The following HDLBP variants were observed in gnomAD, a reference collection of about 807,000 sequenced individuals.
The protein encoded by HDLBP is vigilin.
Under a neutral mutation model 137.3 loss-of-function variants are expected in HDLBP, and 30 were observed. The ratio of observed to expected loss-of-function variants is 0.22; its 90% CI spans 0.16 to 0.30. HDLBP has a LOEUF of 0.30. Among genes scored for constraint, HDLBP ranks in the 10% least tolerant of loss-of-function variants. The pLI, the probability that HDLBP is intolerant of heterozygous loss-of-function variation, is 1.00. For synonymous variants in HDLBP, 606 were observed against 596.0 expected (o/e 1.02, Z -0.24); for missense variants, 1,119 against 1,667.3 (o/e 0.67, Z 5.73).
chr2:241,241,979 AAAGTT>A (rs1452139597), intron 17 of HDLBP, among the ~76,000 whole-genome samples: 4 of 152,098 alleles, frequency 2.6e-5, no homozygotes, highest in African/African-American at 9.7e-5. Context: ...TAGAACAGCC[AAAGTT>A]AAGAGGGCTC....
At chr2:241,246,532 C>T (rs754747489) in intron 16 of HDLBP, 16 of 489,760 alleles carry the variant, frequency 3.3e-5, no homozygotes, top group East Asian at 6.5e-5. Flanking sequence ...CAAGTGCCCA[C>T]GTCAAATGTT....
In HDLBP at chr2:241,230,776, T is replaced by C. The variant is rs2069652585; in HGVS notation, c.3457A>G (p.Ile1153Val). 6.2e-7 allele frequency: 1 copy of C among 1,614,034 alleles called. No individual in the cohort carries two copies. The highest frequency in any genetic ancestry group is 1.1e-5 in the South Asian group (1 of 91,088). ...IGARGKAIRK[I>V]MDEFKVDIRF... The stretch of plus-strand genomic sequence containing the variant: ...CGGCTCACCTTGAATTCGTCCATGA[T>C]TTTGCGAATGGCTTTGCCGCGGGCA... The change falls in exon 25 of 28, where the codon ATC (isoleucine) becomes GTC (valine). Residue 1153 changes from isoleucine (I) to valine (V), a missense_variant. By Grantham distance (29) the Ile-to-Val change is conservative. Around this residue, in one of 4 missense-constraint regions of HDLBP, gnomAD observed 618 missense variants for 816.7 expected, o/e 0.76. Coordinates refer to ENST00000310931, the MANE Select transcript of HDLBP (RefSeq NM_005336.6). This position sits in a 1 kb window ranked among gnomAD's most constrained non-coding sequence, Gnocchi z 5.0.
At chr2:241,307,267 C>T (rs942029186) in intron 1 of HDLBP, among the ~76,000 whole-genome samples, 1 of 152,200 alleles carries the variant, frequency 6.6e-6, no homozygotes, top group Non-Finnish European at 1.5e-5. Flanking sequence ...TAGAGTGGAT[C>T]TGAAAAACGC....
chr2:241,291,116 A>T (rs1316932742), intron 1 of HDLBP, among the ~76,000 whole-genome samples: 1 of 152,268 alleles, frequency 6.6e-6, no homozygotes, highest in East Asian at 1.9e-4. Context: ...AAAGATGCTT[A>T]AGCATCGTCG....
Position 241,250,075 on chromosome 2 carries a change from C to G in HDLBP, c.1373-95G>C, listed in dbSNP as rs138851495. The stretch of plus-strand genomic sequence containing the variant: ...AGGACAGCGCTAAAGCGCTAAATAA[C>G]CTTATCTGTGATTCCCATCACCAAA... On this transcript the variant is annotated intron_variant, in intron 11 of 27. Transcript: ENST00000310931. 2.8e-5 allele frequency: 35 copies of G among 1,246,408 alleles called. No individual in the cohort carries two copies. In the South Asian group the frequency reaches 5.3e-4, roughly 19 times the overall value. 77.2% of individuals were successfully genotyped at this position (1,246,408 alleles called of 1,614,324 possible).
intron 23 of HDLBP, 135 bp from the exon 24 acceptor site, chr2:241,234,098 A>G: frequency 1.0e-6 from 1 of 978,644 alleles, no homozygotes. Flanking sequence ...ATGGTCCGCC[A>G]TCTCTCTGGT....
In HDLBP at chr2:241,240,079, T is replaced by C; in HGVS notation, c.2213A>G (p.Tyr738Cys). ...FTVDIRAKPE[Y>C]HKFLIGKGGG... ...CCCCTTGCCGATGAGGAATTTGTGG[T>C]ATTCTGGCTTGGCGCGGATGTCAAC... Residue 738 changes from tyrosine to cysteine, a missense_variant, in exon 18 of 28, where the codon TAC becomes TGC. By Grantham distance (194) the Tyr-to-Cys change is radical (BLOSUM62 -2). This residue lies in a region of HDLBP where 618 missense variants were observed against 816.7 expected (regional missense o/e 0.76). Transcript: ENST00000310931. The surrounding 1 kb of genome is among the most constrained non-coding windows in gnomAD (Gnocchi z 5.5). 1.2e-6 allele frequency: 2 copies of C among 1,614,178 alleles called. No homozygotes were observed. Among genetic ancestry groups the C allele is most frequent in the Non-Finnish European group, 1.7e-6 (2 of 1,180,046 alleles).
intron 1 of HDLBP, among the ~76,000 whole-genome samples, chr2:241,309,281 G>C (rs1175695787): frequency 5.3e-5 from 8 of 152,126 alleles, no homozygotes. Context: ...TGACCTCCGT[G>C]AAAGTGCAGG....
chr2:241,236,903 C>T, intron 20 of HDLBP, 134 bp from the exon 21 acceptor site: 1 of 802,090 alleles, frequency 1.2e-6, no homozygotes, highest in Non-Finnish European at 1.9e-6. Flanking sequence ...TCCTGTCCTT[C>T]AGGAGGTCTT....
intron 1 of HDLBP, chr2:241,273,730 A>G: frequency 1.1e-6 from 1 of 919,738 alleles, no homozygotes; most frequent in Non-Finnish European, 1.3e-6. Flanking sequence ...AGGTAGGGGC[A>G]CACCCAGCCT....
At chr2:241,290,476 G>A (rs559571233) in intron 1 of HDLBP, among the ~76,000 whole-genome samples, 3 of 152,234 alleles carry the variant, frequency 2.0e-5, no homozygotes, top group East Asian at 1.9e-4. Flanking sequence ...CGGGCGTGGC[G>A]GCACATGCCT....
intron 1 of HDLBP, among the ~76,000 whole-genome samples, chr2:241,301,147 T>C (rs373523306): frequency 0.032 from 4,769 of 150,294 alleles, 471 homozygotes; most frequent in Admixed American, 0.19. Context: ...CGGCTAATTT[T>C]TTTTTTTTTT....
intron 2 of HDLBP, chr2:241,267,448 C>T (rs2073761559): frequency 3.6e-6 from 3 of 822,684 alleles, no homozygotes; most frequent in Non-Finnish European, 5.9e-6. Flanking sequence ...TCAACACCAC[C>T]CCTAACCGCA....
chr2:241,304,785 C>A (rs542436350), intron 1 of HDLBP, among the ~76,000 whole-genome samples: 1 of 152,308 alleles, frequency 6.6e-6, no homozygotes, highest in Admixed American at 6.5e-5. Flanking sequence ...TGACCCTGAG[C>A]TTTAGAGAAG....
Position 241,268,506 on chromosome 2 carries a change from G to C in HDLBP, c.-67C>G. On this transcript the variant is annotated 5_prime_UTR_variant, in exon 2 of 28. Transcript: ENST00000310931. Reference sequence around the variant, plus strand: ...AAAACGGTCAGTAGCCAGAAGGTCCGTCCTGAGGCCGCCTCTGTCAGCCTG... The same window carrying C: ...AAAACGGTCAGTAGCCAGAAGGTCCCTCCTGAGGCCGCCTCTGTCAGCCTG... 3 of 985,880 alleles carry C rather than the reference G, an allele frequency of 3.0e-6. No individual in the cohort carries two copies. Among genetic ancestry groups the C allele is most frequent in the Non-Finnish European group, 3.6e-6 (3 of 829,932 alleles). 61.1% of individuals were successfully genotyped at this position (985,880 alleles called of 1,614,324 possible).
chr2:241,289,932 G>A (rs1221868817), intron 1 of HDLBP, among the ~76,000 whole-genome samples: 1 of 152,034 alleles, frequency 6.6e-6, no homozygotes, highest in Non-Finnish European at 1.5e-5. Flanking sequence ...AAGGGCAACA[G>A]CAGAGATAGC....
Position 241,315,598 on chromosome 2 carries a change from C to G in HDLBP, c.-131G>C, listed in dbSNP as rs1159298312. 1 of 152,242 alleles carries G rather than the reference C, an allele frequency of 6.6e-6. No individual in the cohort carries two copies. The highest frequency in any genetic ancestry group is 2.4e-5 in the African/African-American group (1 of 41,446). 9.4% of individuals were successfully genotyped at this position (152,242 alleles called of 1,614,324 possible). A position where few individuals can be genotyped will look rare whatever the true frequency, so the allele number is the denominator to read the frequency against. ...TTCCACTCTTATAAGCATAAGAAAA[C>G]CGAGCTCATAAGGTAGGAACTGTGG... On this transcript the variant is annotated 5_prime_UTR_variant, in exon 1 of 28. Transcript: ENST00000310931.
chr2:241,273,107 G>T, intron 1 of HDLBP: 1 of 985,536 alleles, frequency 1.0e-6, no homozygotes, highest in Non-Finnish European at 1.2e-6. Flanking sequence ...AAGGGAGCAG[G>T]AAGGACGGCT....
chr2:241,242,739 A>G, intron 16 of HDLBP, 61 bp from the exon 17 acceptor site: 4 of 1,372,134 alleles, frequency 2.9e-6, no homozygotes, highest in African/African-American at 1.4e-5. Flanking sequence ...AGGGCAGAGG[A>G]AAAGATAAAC....
Sources: allele counts gnomAD v4.1 joint callset (sites outside exome capture counted in the v4.1 genomes callset), GRCh38; gene constraint gnomAD v4.1.1; regional missense constraint gnomAD v4.1.1; non-coding constraint Gnocchi (gnomAD v3.1); transcripts MANE v1.5; gene names NCBI Gene and HGNC (gene_info 2026-07-23, HGNC 2026-07-21).